Variants in TENM3 observed in about 807,000 individuals in gnomAD.
The protein encoded by TENM3 is teneurin transmembrane protein 3, also known as teneurin-3.
A neutral mutation model predicts 255.1 loss-of-function variants in TENM3; 63 were observed. The ratio of observed to expected loss-of-function variants is 0.25; its 90% CI spans 0.20 to 0.30. The LOEUF (loss-of-function observed/expected upper bound fraction) is 0.30, where lower values mean the gene tolerates loss of function less well. TENM3 is among the 10% of genes least tolerant of loss of function. TENM3 has a pLI of 1.00. For synonymous variants in TENM3, 1,306 were observed against 1,322.3 expected, an observed-to-expected ratio of 0.99 and a Z score of 0.27; for missense variants, 2,929 against 3,461.1, an observed-to-expected ratio of 0.85 and a Z score of 3.86.
intron 1 of TENM3, among the ~76,000 whole-genome samples, chr4:182,249,456 G>A (rs1757851817): frequency 6.6e-6 from 1 of 152,192 alleles, no homozygotes; most frequent in East Asian, 1.9e-4. Flanking sequence ...TTTCGTACTA[G>A]AAGGAGAAAC....
chr4:182,331,674 A>C (rs922994420), intron 2 of TENM3, among the ~76,000 whole-genome samples: 2 of 152,242 alleles, frequency 1.3e-5, no homozygotes, highest in Non-Finnish European at 2.9e-5. Context: ...AAGATATATT[A>C]GGTGAATACA....
At chr4:181,832,422 G>A in the TENM3 span, among the ~76,000 whole-genome samples, 1 of 152,090 alleles carries the variant, frequency 6.6e-6, no homozygotes, top group African/African-American at 2.4e-5. Context: ...ATAAGAAAAC[G>A]GGCTCGCCAA....
Position 182,773,682 on chromosome 4 carries a change from C to T in TENM3, c.5068+35C>T, listed in dbSNP as rs759228732. ...AAAGCATCATTTTAAACAAGTACCA[C>T]CAGCACCCAGACAGAATGCGGCAAC... is the stretch of plus-strand genomic sequence containing the variant. On this transcript the variant is annotated intron_variant, in intron 23 of 27. Transcript: ENST00000511685. 6.3e-6 allele frequency: 10 copies of T among 1,583,012 alleles called. No individual in the cohort carries two copies. In the Admixed American group the frequency reaches 1.4e-4, roughly 22 times the overall value.
At chr4:182,761,739 A>G (rs1425133675) in intron 22 of TENM3, among the ~76,000 whole-genome samples, 1 of 152,244 alleles carries the variant, frequency 6.6e-6, no homozygotes, top group Non-Finnish European at 1.5e-5. Flanking sequence ...AAGAGAGTTT[A>G]TCAGCAGATC....
At chr4:181,619,299 C>T in the TENM3 span, among the ~76,000 whole-genome samples, 1,316 of 152,190 alleles carry the variant, frequency 8.6e-3, 14 homozygotes, top group African/African-American at 0.029. Flanking sequence ...TTATTAAAGC[C>T]TTCTGTGATC....
At chr4:181,526,651 A>T in the TENM3 span, among the ~76,000 whole-genome samples, 3 of 150,814 alleles carry the variant, frequency 2.0e-5, no homozygotes, top group South Asian at 6.3e-4. Context: ...TTGTGGTAGT[A>T]GTGGTGGTAG....
the TENM3 span, among the ~76,000 whole-genome samples, chr4:181,987,207 C>T: frequency 6.6e-6 from 1 of 152,068 alleles, no homozygotes; most frequent in African/African-American, 2.4e-5. Flanking sequence ...TTTTAAGTGG[C>T]AAAGCCAGAA....
chr4:181,650,946 A>G, the TENM3 span, among the ~76,000 whole-genome samples: 1 of 152,222 alleles, frequency 6.6e-6, no homozygotes, highest in African/African-American at 2.4e-5. Flanking sequence ...TTTCACAAGT[A>G]AAGTCCTAAG....
the TENM3 span, among the ~76,000 whole-genome samples, chr4:181,633,741 G>T: frequency 2.0e-5 from 3 of 152,164 alleles, no homozygotes; most frequent in East Asian, 1.9e-4. Context: ...TTCCAAAGAT[G>T]CTCTGAAATG....
chr4:181,908,865 C>A, the TENM3 span, among the ~76,000 whole-genome samples: 1 of 152,124 alleles, frequency 6.6e-6, no homozygotes, highest in Non-Finnish European at 1.5e-5. Flanking sequence ...GAGCCATTAA[C>A]CTTAAAGTGG....
chr4:181,605,584 G>GAAAGAAAGAAGAAAGAAAGAAAGAAA, the TENM3 span, among the ~76,000 whole-genome samples: 1 of 69,142 alleles, frequency 1.4e-5, no homozygotes. Flanking sequence ...GAGAAAGAAA[G>GAAAGAAAGAAGAAAGAAAGAAAGAAA]GAAAGAAAGA....
intron 3 of TENM3, among the ~76,000 whole-genome samples, chr4:182,483,533 A>G (rs1412674877): frequency 6.6e-6 from 1 of 152,310 alleles, no homozygotes; most frequent in East Asian, 1.9e-4. Context: ...TGGAACTACT[A>G]TACTAATAAC....
At chr4:182,788,343 T>C (rs945260544) in intron 24 of TENM3, among the ~76,000 whole-genome samples, 2 of 152,218 alleles carry the variant, frequency 1.3e-5, no homozygotes, top group African/African-American at 4.8e-5. Flanking sequence ...GGCTGGGTTG[T>C]GTATGCCTCG....
chr4:182,367,058 G>C (rs192420250), intron 3 of TENM3, among the ~76,000 whole-genome samples: 2 of 152,064 alleles, frequency 1.3e-5, no homozygotes, highest in Non-Finnish European at 2.9e-5. Context: ...AAAACAACTA[G>C]ATGAAATACA....
At chr4:181,924,501 A>G in the TENM3 span, among the ~76,000 whole-genome samples, 61 of 152,362 alleles carry the variant, frequency 4.0e-4, no homozygotes, top group Middle Eastern at 3.4e-3. Context: ...ATATCACTCA[A>G]GAATATTCAA....
At chr4:182,759,943 G>GGAC (rs1763015703) in intron 22 of TENM3, among the ~76,000 whole-genome samples, 2 of 152,146 alleles carry the variant, frequency 1.3e-5, no homozygotes, top group Admixed American at 1.3e-4. Flanking sequence ...ACATGCTACT[G>GGAC]GATGGTATGG....
At chr4:182,779,580 G>A (rs556147467) in intron 24 of TENM3, among the ~76,000 whole-genome samples, 91 of 152,310 alleles carry the variant, frequency 6.0e-4, no homozygotes, top group African/African-American at 1.9e-3. Context: ...ATGGGGTAAT[G>A]GGATGGCTGG....
Position 182,743,338 on chromosome 4 carries a change from A to G in TENM3, c.3548A>G (p.Asp1183Gly). 1 of 1,613,982 alleles carries G rather than the reference A, an allele frequency of 6.2e-7. No homozygotes were observed. The highest frequency in any genetic ancestry group is 8.5e-7 in the Non-Finnish European group (1 of 1,179,878). Residue 1183 changes from aspartate to glycine, a missense_variant, in exon 19 of 28, where the codon GAT becomes GGT. This residue lies in a region of TENM3 where 1,608 missense variants were observed against 1,884.4 expected (regional missense o/e 0.85). Transcript: ENST00000511685. ...CCAGTGGCGCTAGCTTGTGGGATCG[A>G]TGGCAGTCTGTACGTAGGCGATTTC... ...LAPVALACGI[D>G]GSLYVGDFNY...
At chr4:182,524,019 A>G (rs942592528) in intron 3 of TENM3, among the ~76,000 whole-genome samples, 9 of 152,170 alleles carry the variant, frequency 5.9e-5, no homozygotes, top group Admixed American at 2.6e-4. Flanking sequence ...AGAGCTAGAA[A>G]TCTGACATTT....
Sources: gnomAD v4.1 joint callset for allele counts (sites outside exome capture counted in the v4.1 genomes callset) on GRCh38, gnomAD v4.1.1 for gene constraint, gnomAD v4.1.1 regional missense constraint, MANE v1.5 for transcripts, NCBI Gene and HGNC (gene_info 2026-07-23, HGNC 2026-07-21) for gene names.